The following APC variants were observed in gnomAD, a reference collection of about 807,000 sequenced individuals.
APC encodes adenomatous polyposis coli protein.
Under a neutral mutation model 247.0 loss-of-function variants are expected in APC, and 72 were observed. That is an observed-to-expected ratio of 0.29 (90% CI 0.24 to 0.35). The LOEUF is 0.35. APC is among the 10% of genes least tolerant of loss of function. The pLI is 1.00. For missense variants in APC, 3,400 were observed against 3,360.7 expected, an observed-to-expected ratio of 1.01 and a Z score of -0.29; for synonymous variants, 1,254 against 1,162.5, an observed-to-expected ratio of 1.08 and a Z score of -1.60.
chr5:112,718,603 A>G (rs925076405), intron 1 of APC, among the ~76,000 whole-genome samples: 4 of 152,238 alleles, frequency 2.6e-5, no homozygotes, highest in Non-Finnish European at 5.9e-5. Context: ...TTTGTTGGCA[A>G]ACTCACAAAA....
In APC at chr5:112,740,524, C is replaced by CTT. The variant is rs11286305; in HGVS notation, c.-19+2617_-19+2618dup. On this transcript the variant is annotated intron_variant, in intron 1 of 15. Transcript: ENST00000257430. ...GTTTTTGTTTTTTGTGTTTTTTTTT[C>CTT]TTTTTTTTTTTTTTTTTTTGAGACA... is the stretch of plus-strand genomic sequence containing the variant. Among the ~76,000 whole-genome samples, 240 of 99,140 alleles carry CTT rather than the reference C, an allele frequency of 2.4e-3. 3 individuals are homozygous for CTT. Among genetic ancestry groups the CTT allele is most frequent in the African/African-American group, 8.4e-3 (207 of 24,576 alleles). 65.0% of individuals were successfully genotyped at this position (99,140 alleles called of 152,430 possible).
At chr5:112,748,881 C>G (rs960051097) in intron 1 of APC, among the ~76,000 whole-genome samples, 1 of 152,090 alleles carries the variant, frequency 6.6e-6, no homozygotes, top group African/African-American at 2.4e-5. Context: ...TCTGTAGTCC[C>G]AGTTACTCTA....
intron 4 of APC, among the ~76,000 whole-genome samples, chr5:112,772,626 C>T (rs1008269212): frequency 1.3e-5 from 2 of 151,636 alleles, no homozygotes; most frequent in Admixed American, 6.6e-5. Context: ...AAGAGATTCT[C>T]ATGCCTCAGC....
chr5:112,779,975 T>A (rs1434484978), intron 5 of APC, among the ~76,000 whole-genome samples: 1 of 152,218 alleles, frequency 6.6e-6, no homozygotes, highest in African/African-American at 2.4e-5. Context: ...TAACATTGCC[T>A]GATTCCCTTC....
chr5:112,836,358 T>C (rs944269329), intron 15 of APC, among the ~76,000 whole-genome samples: 1 of 152,106 alleles, frequency 6.6e-6, no homozygotes. Flanking sequence ...TTATAGCTTA[T>C]TCATTTTTTA....
At chr5:112,725,643 C>T (rs911626848) in intron 1 of APC, among the ~76,000 whole-genome samples, 13 of 151,890 alleles carry the variant, frequency 8.6e-5, no homozygotes, top group Non-Finnish European at 1.6e-4. Flanking sequence ...GGCCTGTAGT[C>T]CCAGGTACTT....
chr5:112,818,945 C>G lies in APC; in HGVS notation c.934-21C>G, dbSNP rs754906600. The G allele has an allele frequency of 1.9e-6, 3 of 1,572,178 alleles. No homozygotes were observed. In the South Asian group the frequency reaches 3.3e-5, roughly 17 times the overall value. On this transcript the variant is annotated intron_variant, in intron 9 of 15. Coordinates refer to ENST00000257430, the MANE Select transcript of APC (RefSeq NM_000038.6). ...GGATATTAAAGTCGTAATTTTGTTT[C>G]TAAACTCATTTGGCCCACAGGTGGA...
At chr5:112,790,502 T>C (rs2149677895) in intron 6 of APC, among the ~76,000 whole-genome samples, 1 of 152,272 alleles carries the variant, frequency 6.6e-6, no homozygotes, top group South Asian at 2.1e-4. Context: ...AATTTCTTTT[T>C]GTATTTTTAG....
intron 4 of APC, among the ~76,000 whole-genome samples, chr5:112,768,537 T>A (rs76013277): frequency 0.027 from 4,027 of 151,366 alleles, 211 homozygotes; most frequent in African/African-American, 0.092. Context: ...TTTTACTTTA[T>A]AAATAATAAT....
chr5:112,750,280 A>C (rs527897750), intron 1 of APC, among the ~76,000 whole-genome samples: 1 of 152,124 alleles, frequency 6.6e-6, no homozygotes, highest in Non-Finnish European at 1.5e-5. Context: ...TTGCTTTTCA[A>C]ACTCTTCAAA....
intron 4 of APC, among the ~76,000 whole-genome samples, chr5:112,768,812 T>C (rs985848089): frequency 1.3e-5 from 2 of 151,922 alleles, no homozygotes; most frequent in African/African-American, 4.8e-5. Flanking sequence ...AACACAGTCC[T>C]GTACAGTAGC....
intron 8 of APC, among the ~76,000 whole-genome samples, chr5:112,804,474 C>G (rs1341711063): frequency 6.6e-6 from 1 of 152,016 alleles, no homozygotes. Context: ...CCTCCACCTC[C>G]TAGGTTCAAG....
chr5:112,777,014 C>CT lies in APC; in HGVS notation c.531+1277_531+1278insT, dbSNP rs1398885689. On this transcript the variant is annotated intron_variant, in intron 5 of 15. Transcript: ENST00000257430. ...TTTTTCATTTTAGAAATTTTGCAAA[C>CT]CATTGCATTTATAGATATGAATTCT... Among the ~76,000 whole-genome samples, 5 of 152,228 alleles carry CT rather than the reference C, an allele frequency of 3.3e-5. 1 individual carries two copies. In the East Asian group the frequency reaches 9.6e-4, roughly 29 times the overall value.
At position 112,840,355 on chromosome 5, in the gene APC, A is replaced by G. The variant is rs863224280; in HGVS notation, c.4761A>G (p.Ser1587=). 6.2e-7 allele frequency: 1 copy of G among 1,614,240 alleles called. No homozygotes were observed. Among genetic ancestry groups the G allele is most frequent in the Non-Finnish European group, 8.5e-7 (1 of 1,180,028 alleles). The change falls in exon 16 of 16, where the codon TCA becomes TCG. Residue 1587 remains serine (S), a synonymous_variant. Coordinates refer to ENST00000257430, the MANE Select transcript of APC (RefSeq NM_000038.6). This position sits in a 1 kb window ranked among gnomAD's most constrained non-coding sequence, Gnocchi z 4.1. ...TTATTTCTGCCATGCCAACAAAGTCATCACGTAAAGCAAAAAAGCCAGCCC... is the reference window on the plus strand; with the variant it reads ...TTATTTCTGCCATGCCAACAAAGTCGTCACGTAAAGCAAAAAAGCCAGCCC... ...ECIISAMPTK[S]SRKAKKPAQT...
In APC at chr5:112,839,549, C is replaced by A. The variant is rs1765567515; in HGVS notation, c.3955C>A (p.Pro1319Thr). Reference sequence around the variant, plus strand: ...GATTGGAACTAGGTCAGCTGAAGATCCTGTGAGCGAAGTTCCAGCAGTGTC... The same window carrying A: ...GATTGGAACTAGGTCAGCTGAAGATACTGTGAGCGAAGTTCCAGCAGTGTC... The part of the protein sequence containing the change: ...EKIGTRSAED[P>T]VSEVPAVSQH... Residue 1319 changes from proline to threonine, a missense_variant, in exon 16 of 16, where the codon CCT becomes ACT. Pro to Thr is a conservative substitution (Grantham distance 38). Around this residue, in one of 9 missense-constraint regions of APC, gnomAD observed 715 missense variants for 656.6 expected, o/e 1.09. Transcript: ENST00000257430. This position sits in a 1 kb window ranked among gnomAD's most constrained non-coding sequence, Gnocchi z 5.0. 1 of 1,614,128 alleles carries A rather than the reference C, an allele frequency of 6.2e-7. No individual in the cohort carries two copies. The highest frequency in any genetic ancestry group is 8.5e-7 in the Non-Finnish European group (1 of 1,180,014).
At chr5:112,731,166 C>A (rs991017645) in intron 1 of APC, among the ~76,000 whole-genome samples, 1 of 151,534 alleles carries the variant, frequency 6.6e-6, no homozygotes, top group Non-Finnish European at 1.5e-5. Flanking sequence ...GAGGTTTTTT[C>A]TAACATTTCA....
At chr5:112,776,141 G>A (rs755435814) in intron 5 of APC, among the ~76,000 whole-genome samples, 3 of 152,142 alleles carry the variant, frequency 2.0e-5, no homozygotes, top group Non-Finnish European at 4.4e-5. Flanking sequence ...AAATATCTCT[G>A]AAAATATTCT....
At chr5:112,719,477 C>T (rs151270252) in intron 1 of APC, among the ~76,000 whole-genome samples, 1,538 of 151,982 alleles carry the variant, frequency 0.01, 27 homozygotes, top group African/African-American at 0.035. Flanking sequence ...CCCACCTTGG[C>T]CTCCCAGAGT....
At chr5:112,790,552 A>G (rs1398550758) in intron 6 of APC, among the ~76,000 whole-genome samples, 2 of 152,036 alleles carry the variant, frequency 1.3e-5, no homozygotes, top group Admixed American at 6.5e-5. Flanking sequence ...AGTGGTCTCA[A>G]TCTTCTGACC....
Sources: allele counts gnomAD v4.1 joint callset (sites outside exome capture counted in the v4.1 genomes callset), GRCh38; gene constraint gnomAD v4.1.1; regional missense constraint gnomAD v4.1.1; non-coding constraint Gnocchi (gnomAD v3.1); transcripts MANE v1.5; gene names NCBI Gene and HGNC (gene_info 2026-07-23, HGNC 2026-07-21).